Variants in DOK6 observed in about 807,000 individuals in gnomAD.
DOK6 encodes the protein docking protein 6, also known as downstream of tyrosine kinase 6.
In DOK6, 22 loss-of-function variants were observed where a neutral mutation model predicts 44.0. The observed-to-expected ratio is 0.50, with a 90% CI of 0.36 to 0.71. DOK6 has a LOEUF of 0.71. Among genes scored for constraint, DOK6 ranks in the 30% least tolerant of loss-of-function variants. The pLI, the probability that DOK6 is intolerant of heterozygous loss-of-function variation, is 0.00. For synonymous variants in DOK6, 166 were observed against 145.5 expected, an observed-to-expected ratio of 1.14 and a Z score of -1.01; for missense variants, 340 against 416.4, an observed-to-expected ratio of 0.82 and a Z score of 1.60.
intron 7 of DOK6, among the ~76,000 whole-genome samples, chr18:69,837,223 C>T (rs148277231): frequency 3.5e-4 from 53 of 152,054 alleles, no homozygotes; most frequent in African/African-American, 1.3e-3. Flanking sequence ...TTCTGGAGAC[C>T]GGGAAGTCCA....
intron 7 of DOK6, among the ~76,000 whole-genome samples, chr18:69,772,314 C>G (rs1339653401): frequency 1.3e-5 from 2 of 151,954 alleles, no homozygotes; most frequent in Non-Finnish European, 2.9e-5. Context: ...AGAGTCAATG[C>G]AATCCCCAAA....
chr18:69,689,746 T>C (rs1266551295), intron 4 of DOK6, among the ~76,000 whole-genome samples: 1 of 152,180 alleles, frequency 6.6e-6, no homozygotes. Flanking sequence ...ATAAAAGGAC[T>C]GAATTATTCA....
At chr18:69,681,449 A>G (rs1363282473) in intron 4 of DOK6, among the ~76,000 whole-genome samples, 1 of 152,220 alleles carries the variant, frequency 6.6e-6, no homozygotes, top group Non-Finnish European at 1.5e-5. Flanking sequence ...TGCTGTAATC[A>G]TCTTTATCTA....
At chr18:69,557,887 C>T (rs924173033) in intron 1 of DOK6, among the ~76,000 whole-genome samples, 1 of 152,050 alleles carries the variant, frequency 6.6e-6, no homozygotes, top group Non-Finnish European at 1.5e-5. Context: ...GGTCTCTGTA[C>T]CTTGAGATGC....
intron 2 of DOK6, among the ~76,000 whole-genome samples, chr18:69,592,750 G>T (rs1298517103): frequency 1.3e-5 from 2 of 151,996 alleles, no homozygotes; most frequent in Non-Finnish European, 2.9e-5. Flanking sequence ...TTACAACCAT[G>T]TGAAAAATCA....
intron 1 of DOK6, among the ~76,000 whole-genome samples, chr18:69,448,959 TG>T (rs1979375894): frequency 6.6e-6 from 1 of 152,204 alleles, no homozygotes; most frequent in African/African-American, 2.4e-5. Flanking sequence ...CCAAATAATT[TG>T]TCACCCAAAT....
Position 69,401,199 on chromosome 18 carries a change from C to T in DOK6, c.-46C>T, listed in dbSNP as rs1916089531. On this transcript the variant is annotated 5_prime_UTR_variant, in exon 1 of 8. Transcript: ENST00000382713. ...CCCGGCGGCGGACGGCGGCTCTCGA[C>T]TCCGGAGAGCGGATCGCGGGGCGCA... 2 of 1,517,184 alleles carry T rather than the reference C, an allele frequency of 1.3e-6. No individual in the cohort carries two copies. The highest frequency in any genetic ancestry group is 1.4e-5 in the African/African-American group (1 of 69,338). 94.0% of individuals were successfully genotyped at this position (1,517,184 alleles called of 1,614,324 possible).
chr18:69,645,988 G>C (rs1397293495), intron 3 of DOK6, among the ~76,000 whole-genome samples: 1 of 152,022 alleles, frequency 6.6e-6, no homozygotes, highest in Admixed American at 6.6e-5. Flanking sequence ...TCCATTATAA[G>C]TGACTTAGTC....
chr18:69,562,974 TC>T (rs1431884032), intron 1 of DOK6, among the ~76,000 whole-genome samples: 1 of 151,896 alleles, frequency 6.6e-6, no homozygotes, highest in Non-Finnish European at 1.5e-5. Context: ...AACCACCCCA[TC>T]AAAAAGTGGG....
chr18:69,571,670 T>C (rs1983117322), intron 2 of DOK6, among the ~76,000 whole-genome samples: 1 of 151,984 alleles, frequency 6.6e-6, no homozygotes, highest in African/African-American at 2.4e-5. Context: ...TATCAATTCA[T>C]CAGGACAAAT....
chr18:69,507,023 GT>G, intron 1 of DOK6, among the ~76,000 whole-genome samples: 1 of 151,748 alleles, frequency 6.6e-6, no homozygotes, highest in Middle Eastern at 3.4e-3. Flanking sequence ...AGGTTTTTGT[GT>G]TTTTTTGTTG....
At chr18:69,615,348 T>C (rs533088716) in intron 3 of DOK6, among the ~76,000 whole-genome samples, 3 of 152,202 alleles carry the variant, frequency 2.0e-5, no homozygotes, top group Non-Finnish European at 4.4e-5. Flanking sequence ...TTGGGGATAA[T>C]GGGAAACATT....
chr18:69,760,004 C>A (rs1979491295), intron 7 of DOK6, among the ~76,000 whole-genome samples: 2 of 152,056 alleles, frequency 1.3e-5, no homozygotes, highest in South Asian at 4.1e-4. Context: ...ACCCTGTATA[C>A]CCCTCAGTGT....
chr18:69,516,200 C>G (rs1369227461), intron 1 of DOK6, among the ~76,000 whole-genome samples: 1 of 151,934 alleles, frequency 6.6e-6, no homozygotes, highest in South Asian at 2.1e-4. Flanking sequence ...AAGAATGTTT[C>G]ACATTCTAGG....
chr18:69,647,732 G>C (rs1985120858), intron 3 of DOK6, among the ~76,000 whole-genome samples: 1 of 152,106 alleles, frequency 6.6e-6, no homozygotes, highest in African/African-American at 2.4e-5. Flanking sequence ...GAATCTGCTG[G>C]TGATCTGGAA....
chr18:69,673,032 G>A (rs1165130207), intron 3 of DOK6, among the ~76,000 whole-genome samples: 3 of 152,046 alleles, frequency 2.0e-5, no homozygotes, highest in Admixed American at 6.5e-5. Context: ...TTATGCTGAA[G>A]ACAAAACAGG....
intron 3 of DOK6, among the ~76,000 whole-genome samples, chr18:69,637,666 A>G (rs1348803664): frequency 6.6e-6 from 1 of 152,218 alleles, no homozygotes; most frequent in African/African-American, 2.4e-5. Context: ...CATTTTACTT[A>G]AATCTCTCCA....
At chr18:69,772,287 T>C (rs1357163962) in intron 7 of DOK6, among the ~76,000 whole-genome samples, 2 of 152,210 alleles carry the variant, frequency 1.3e-5, no homozygotes, top group South Asian at 2.1e-4. Flanking sequence ...ATGTCTATAC[T>C]ACTCTAAAGC....
rs539043478 is a variant in DOK6, at chr18:69,801,417, A to T, written c.857-39827A>T. On this transcript the variant is annotated intron_variant, in intron 7 of 7. Transcript: ENST00000382713. ...TAATGAATAGTTCTAGTTTTAAATG[A>T]TAATTTCAAGGCCACCAAATATCGG... Among the ~76,000 whole-genome samples, 4 of 152,320 alleles carry T rather than the reference A, an allele frequency of 2.6e-5. No individual in the cohort carries two copies. In the East Asian group the frequency reaches 7.7e-4, roughly 29 times the overall value.
Sources: gnomAD v4.1 joint callset for allele counts (sites outside exome capture counted in the v4.1 genomes callset) on GRCh38, gnomAD v4.1.1 for gene constraint, MANE v1.5 for transcripts, NCBI Gene and HGNC (gene_info 2026-07-23, HGNC 2026-07-21) for gene names.